Variants in CRACD observed in about 807,000 individuals in gnomAD.
CRACD encodes capping protein-inhibiting regulator of actin dynamics.
CRACD carries 56 observed loss-of-function variants against 106.8 expected under a neutral mutation model. The observed-to-expected ratio is 0.52, with a 90% CI of 0.42 to 0.66. CRACD has a LOEUF of 0.66. CRACD is among the 30% of genes least tolerant of loss of function. The pLI, the probability that CRACD is intolerant of heterozygous loss-of-function variation, is 0.00. For missense variants in CRACD, 1,730 were observed against 1,623.2 expected (o/e 1.07, Z -1.13); for synonymous variants, 754 against 670.8 (o/e 1.12, Z -1.92).
intron 3 of CRACD, among the ~76,000 whole-genome samples, chr4:56,285,701 C>T (rs1743296866): frequency 1.3e-5 from 2 of 152,152 alleles, no homozygotes; most frequent in Admixed American, 6.5e-5. Context: ...CCGCTTTGGT[C>T]TCCCAAAGCA....
At position 56,313,137 on chromosome 4, in the gene CRACD, C is replaced by T. The variant is rs1745262071; in HGVS notation, c.355-60C>T. ...CACTGGAACGAGTGCCACCGTTCTG[C>T]GATTCCCTGCAGGTTGTCTTCTGAT... On this transcript the variant is annotated intron_variant, in intron 6 of 10. Transcript: ENST00000682029. 10 of 1,474,958 alleles carry T rather than the reference C, an allele frequency of 6.8e-6. No individual in the cohort carries two copies. In the South Asian group the frequency reaches 7.3e-5, roughly 11 times the overall value. The allele number at this position is 1,474,958 out of a possible 1,614,324, so 91.4% of individuals were successfully genotyped here.
At chr4:56,119,226 G>A (rs986766394) in intron 1 of CRACD, among the ~76,000 whole-genome samples, 1 of 152,146 alleles carries the variant, frequency 6.6e-6, no homozygotes, top group Non-Finnish European at 1.5e-5. Context: ...CAAAAGAAGT[G>A]AAAGATAGGA....
intron 2 of CRACD, among the ~76,000 whole-genome samples, chr4:56,264,460 TATGCCATAGC>T (rs1462017459): frequency 1.1e-5 from 1 of 87,368 alleles, no homozygotes; most frequent in Admixed American, 1.1e-4. Flanking sequence ...ATATGCCACA[TATGCCATAGC>T]CTATGTACCT....
intron 1 of CRACD, among the ~76,000 whole-genome samples, chr4:56,110,599 C>T (rs985491565): frequency 2.6e-5 from 4 of 151,964 alleles, no homozygotes; most frequent in African/African-American, 9.7e-5. Context: ...TAACTCAGTA[C>T]AAGATTTTTT....
chr4:56,283,180 C>T (rs1743127511), intron 3 of CRACD, among the ~76,000 whole-genome samples: 1 of 152,118 alleles, frequency 6.6e-6, no homozygotes, highest in African/African-American at 2.4e-5. Context: ...GGTGTGACAA[C>T]CTTTGCTCTC....
intron 1 of CRACD, among the ~76,000 whole-genome samples, chr4:56,178,554 G>A (rs75011800): frequency 6.6e-6 from 1 of 152,140 alleles, no homozygotes; most frequent in African/African-American, 2.4e-5. Flanking sequence ...TCTGCTAGAA[G>A]CTAGTCCCTC....
chr4:56,316,407 A>T lies in CRACD; in HGVS notation c.2905A>T (p.Ser969Cys), dbSNP rs769107788. ...QKPALAPKPT[S>C]QTPPASPLSK... ...GCCAGCACTGGCTCCCAAGCCCACC[A>T]GTCAGACCCCACCAGCATCCCCACT... The change falls in exon 8 of 11, where the codon AGT (serine) becomes TGT (cysteine). Residue 969 changes from serine to cysteine, a missense_variant. By Grantham distance (112) the Ser-to-Cys change is moderately radical (BLOSUM62 -1). Transcript: ENST00000682029. 2.5e-6 allele frequency: 4 copies of T among 1,614,046 alleles called. No homozygotes were observed. In the African/African-American group the frequency reaches 5.3e-5, roughly 22 times the overall value.
intron 1 of CRACD, among the ~76,000 whole-genome samples, chr4:56,141,345 T>G (rs1237542476): frequency 6.6e-6 from 1 of 152,162 alleles, no homozygotes; most frequent in Non-Finnish European, 1.5e-5. Flanking sequence ...GTTGAAAGGA[T>G]GTTGTTGCAG....
At chr4:56,086,607 A>T (rs1028991277) in intron 1 of CRACD, among the ~76,000 whole-genome samples, 7 of 152,008 alleles carry the variant, frequency 4.6e-5, no homozygotes, top group Non-Finnish European at 8.8e-5. Flanking sequence ...CATCTAATCC[A>T]TGCAAATCCA....
At chr4:56,292,199 CAA>C (rs1352582305) in intron 3 of CRACD, among the ~76,000 whole-genome samples, 13 of 152,116 alleles carry the variant, frequency 8.5e-5, no homozygotes, top group Admixed American at 7.2e-4. Flanking sequence ...AGTTTGAACT[CAA>C]GAGTGGTGAC....
intron 1 of CRACD, among the ~76,000 whole-genome samples, chr4:56,104,434 G>C (rs1187481756): frequency 6.6e-6 from 1 of 152,090 alleles, no homozygotes; most frequent in African/African-American, 2.4e-5. Context: ...ACCAAAAAGA[G>C]ACAAATTATC....
intron 8 of CRACD, chr4:56,320,650 A>G (rs927325382): frequency 2.6e-5 from 4 of 152,262 alleles, no homozygotes; most frequent in African/African-American, 9.6e-5. Flanking sequence ...CCTGCTCCCT[A>G]CAGTGGTTAT....
At chr4:56,096,306 C>G (rs759660356) in intron 1 of CRACD, among the ~76,000 whole-genome samples, 4 of 152,246 alleles carry the variant, frequency 2.6e-5, no homozygotes, top group Non-Finnish European at 4.4e-5. Context: ...AGTTCTGGAG[C>G]ACTTCAATGT....
intron 5 of CRACD, 104 bp downstream of exon 5, chr4:56,307,803 T>A (rs1744839797): frequency 4.2e-6 from 5 of 1,177,534 alleles, no homozygotes; most frequent in Non-Finnish European, 4.9e-6. Flanking sequence ...AGGGAGGAGC[T>A]TTTCTCATGA....
intron 2 of CRACD, among the ~76,000 whole-genome samples, chr4:56,184,195 C>T (rs1003171371): frequency 6.6e-6 from 1 of 152,210 alleles, no homozygotes; most frequent in African/African-American, 2.4e-5. Context: ...CTCAGCCTCC[C>T]GAGTAGCTGG....
At chr4:56,061,198 T>A (rs565229888) in intron 1 of CRACD, among the ~76,000 whole-genome samples, 1 of 152,160 alleles carries the variant, frequency 6.6e-6, no homozygotes, top group South Asian at 2.1e-4. Flanking sequence ...TGAGGCAAGG[T>A]CTTGCTCTGT....
At chr4:56,216,459 GT>G (rs1738685633) in intron 2 of CRACD, among the ~76,000 whole-genome samples, 1 of 152,130 alleles carries the variant, frequency 6.6e-6, no homozygotes, top group Admixed American at 6.5e-5. Flanking sequence ...AGATACAGCT[GT>G]TCCAATCTCA....
At chr4:56,208,665 A>G (rs566306231) in intron 2 of CRACD, among the ~76,000 whole-genome samples, 2 of 152,366 alleles carry the variant, frequency 1.3e-5, no homozygotes, top group Middle Eastern at 3.4e-3. Flanking sequence ...ATGATTTAAC[A>G]TATCAATCCC....
At chr4:56,311,544 A>G (rs1246390694) in intron 6 of CRACD, 1 of 152,248 alleles carries the variant, frequency 6.6e-6, no homozygotes, top group Non-Finnish European at 1.5e-5. Flanking sequence ...TCATTCAGCA[A>G]TAGCTTAGAA....
Sources: allele counts gnomAD v4.1 joint callset (sites outside exome capture counted in the v4.1 genomes callset), GRCh38; gene constraint gnomAD v4.1.1; transcripts MANE v1.5; gene names NCBI Gene and HGNC (gene_info 2026-07-23, HGNC 2026-07-21).